Variants in CDC14B observed in about 807,000 individuals in gnomAD.
The protein encoded by CDC14B is cell division cycle 14B.
In CDC14B, 22 loss-of-function variants were observed where a neutral mutation model predicts 64.2. The observed-to-expected ratio is 0.34, with a 90% confidence interval of 0.24 to 0.49. The LOEUF is 0.49. Among genes scored for constraint, CDC14B ranks in the 20% least tolerant of loss-of-function variants. CDC14B has a pLI of 0.99. For missense variants in CDC14B, 498 were observed against 629.9 expected (o/e 0.79, Z 2.24); for synonymous variants, 191 against 215.8 (o/e 0.89, Z 1.01).
chr9:96,574,703 A>AAAAAAAAAAAAAAAAAAAAAAC (rs1844695656), intron 1 of CDC14B, among the ~76,000 whole-genome samples: 1 of 150,156 alleles, frequency 6.7e-6, no homozygotes, highest in African/African-American at 2.5e-5. Flanking sequence ...CTCACAAAAA[A>AAAAAAAAAAAAAAAAAAAAAAC]AAAAAAAAAA....
rs115532576 is a variant in CDC14B at position 96,501,941 on chromosome 9, A to G, written c.*1812T>C. On this transcript the variant is annotated 3_prime_UTR_variant, in exon 14 of 14. Transcript: ENST00000375241. ...ACCTGGATTATTATTAATGGAGGGG[A>G]TGGCCTTAAAAGGGGTAAGGGGAAG... is the stretch of plus-strand genomic sequence containing the variant. 4.1e-3 allele frequency: 619 copies of G among 152,368 alleles called. 5 individuals carry two copies. Among genetic ancestry groups the G allele is most frequent in the African/African-American group, 0.014 (584 of 41,566 alleles). The allele number at this position is 152,368 out of a possible 1,614,324, so 9.4% of individuals were successfully genotyped here. A position where few individuals can be genotyped will look rare whatever the true frequency, so the allele number is the denominator to read the frequency against.
intron 4 of CDC14B, among the ~76,000 whole-genome samples, chr9:96,558,683 A>C (rs1303221337): frequency 3.3e-5 from 5 of 152,226 alleles, no homozygotes; most frequent in Non-Finnish European, 5.9e-5. Context: ...TTTGAAAAGC[A>C]CTTAAAATTT....
At chr9:96,579,499 C>T (rs1207435274) in intron 1 of CDC14B, among the ~76,000 whole-genome samples, 4 of 151,302 alleles carry the variant, frequency 2.6e-5, no homozygotes, top group East Asian at 2.0e-4. Context: ...GGCAGGAGAA[C>T]GGCCTGAACC....
chr9:96,549,080 A>G (rs1419080136), intron 5 of CDC14B, among the ~76,000 whole-genome samples: 1 of 152,212 alleles, frequency 6.6e-6, no homozygotes, highest in Non-Finnish European at 1.5e-5. Flanking sequence ...ACACTATGTG[A>G]AGAAGCACTA....
chr9:96,616,159 C>T (rs1235782278), intron 1 of CDC14B, among the ~76,000 whole-genome samples: 4 of 152,022 alleles, frequency 2.6e-5, no homozygotes, highest in South Asian at 2.1e-4. Flanking sequence ...AACCCCATCT[C>T]TACTAAAATT....
chr9:96,528,150 A>C (rs1232202127), intron 9 of CDC14B, among the ~76,000 whole-genome samples: 1 of 152,234 alleles, frequency 6.6e-6, no homozygotes, highest in African/African-American at 2.4e-5. Flanking sequence ...GTTGTATGAT[A>C]TAGCACATTT....
chr9:96,616,303 C>T (rs1164182559), intron 1 of CDC14B, among the ~76,000 whole-genome samples: 2 of 151,006 alleles, frequency 1.3e-5, no homozygotes, highest in Non-Finnish European at 3.0e-5. Context: ...TCAACCCGGG[C>T]AACAGAGCAA....
At chr9:96,612,291 C>T (rs755803911) in intron 1 of CDC14B, among the ~76,000 whole-genome samples, 1 of 152,200 alleles carries the variant, frequency 6.6e-6, no homozygotes, top group Admixed American at 6.5e-5. Flanking sequence ...TGCAAGTACA[C>T]GGGAATGTTT....
chr9:96,572,845 G>C lies in CDC14B; in HGVS notation c.161-7362C>G, dbSNP rs542601728. Among the ~76,000 whole-genome samples the C allele has an allele frequency of 2.0e-5, 3 of 152,264 alleles. No individual in the cohort carries two copies. In the East Asian group the frequency reaches 5.8e-4, roughly 29 times the overall value. The stretch of plus-strand genomic sequence containing the variant: ...CACACTTTATGCCTTAACTTTGGAA[G>C]CATCCTTATAAAATAAAAAGCAAGA... On this transcript the variant is annotated intron_variant, in intron 1 of 13. Transcript: ENST00000375241.
rs145595970 is a variant in CDC14B, at chr9:96,580,552, G to T, written c.161-15069C>A. ...GGCTAGATTGCTACTTTTATACAAA[G>T]AAGGTGGACTGTAAATTGATGGGGG... On this transcript the variant is annotated intron_variant, in intron 1 of 13. Coordinates refer to ENST00000375241, the MANE Select transcript of CDC14B (RefSeq NM_033331.4). Among the ~76,000 whole-genome samples the T allele has an allele frequency of 2.5e-3, 379 of 152,228 alleles. 2 individuals are homozygous for T. Among genetic ancestry groups the T allele is most frequent in the African/African-American group, 8.6e-3 (359 of 41,546 alleles).
intron 12 of CDC14B, among the ~76,000 whole-genome samples, chr9:96,519,943 T>G (rs1351792837): frequency 6.6e-6 from 1 of 152,230 alleles, no homozygotes; most frequent in Admixed American, 6.5e-5. Flanking sequence ...GAAATTGATT[T>G]TGTATTTTTC....
intron 1 of CDC14B, among the ~76,000 whole-genome samples, chr9:96,616,304 A>C (rs560927955): frequency 9.2e-4 from 139 of 151,548 alleles, no homozygotes; most frequent in African/African-American, 3.1e-3. Flanking sequence ...CAACCCGGGC[A>C]ACAGAGCAAG....
Position 96,523,418 on chromosome 9 carries a change from T to C in CDC14B, c.1088A>G (p.Lys363Arg). The C allele has an allele frequency of 6.2e-7, 1 of 1,613,594 alleles. No homozygotes were observed. The highest frequency in any genetic ancestry group is 8.5e-7 in the Non-Finnish European group (1 of 1,179,762). Residue 363 changes from lysine (K) to arginine (R), a missense_variant and splice_region_variant, in exon 11 of 14, where the codon AAG (lysine) becomes AGG (arginine). Transcript: ENST00000375241. ...CCCTTCCAGCCAGAGGTTGGTTTGCTTCCTAGAGCATTTAAATAACATCAA... is the reference window on the plus strand; with the variant it reads ...CCCTTCCAGCCAGAGGTTGGTTTGCCTCCTAGAGCATTTAAATAACATCAA... ...IGPQQQFLVMKQTNLWLEGDY... is the reference protein window; with the variant it reads ...IGPQQQFLVMRQTNLWLEGDY...
chr9:96,601,794 GAAAAA>G (rs35472518), intron 1 of CDC14B, among the ~76,000 whole-genome samples: 1 of 68,228 alleles, frequency 1.5e-5, no homozygotes, highest in Non-Finnish European at 2.9e-5. Context: ...ACGCTGTCTC[GAAAAA>G]AAAAAAAAAA....
chr9:96,605,269 A>AT (rs1335531632), intron 1 of CDC14B, among the ~76,000 whole-genome samples: 1 of 152,090 alleles, frequency 6.6e-6, no homozygotes, highest in East Asian at 1.9e-4. Context: ...ACAATTTCCA[A>AT]TTTCCAATTG....
intron 1 of CDC14B, among the ~76,000 whole-genome samples, chr9:96,613,588 G>A (rs1217333663): frequency 6.6e-6 from 1 of 152,208 alleles, no homozygotes; most frequent in African/African-American, 2.4e-5. Context: ...AATATCAGAA[G>A]TGAAGATGTT....
chr9:96,511,044 A>G (rs1834841659), intron 12 of CDC14B, among the ~76,000 whole-genome samples: 3 of 152,218 alleles, frequency 2.0e-5, no homozygotes, highest in Non-Finnish European at 2.9e-5. Context: ...ATTCAAACAT[A>G]AAGGTGAGAA....
chr9:96,561,811 CAGAG>C (rs948846031), intron 4 of CDC14B, among the ~76,000 whole-genome samples: 2 of 151,712 alleles, frequency 1.3e-5, no homozygotes, highest in Non-Finnish European at 2.9e-5. Flanking sequence ...TTTCAAGTCT[CAGAG>C]AGAATAACTA....
At chr9:96,557,027 C>A (rs2132155711) in intron 4 of CDC14B, among the ~76,000 whole-genome samples, 1 of 152,354 alleles carries the variant, frequency 6.6e-6, no homozygotes, top group South Asian at 2.1e-4. Context: ...CTTAACGGAT[C>A]TGCAGTCAAG....
Sources: gnomAD v4.1 joint callset for allele counts (sites outside exome capture counted in the v4.1 genomes callset) on GRCh38, gnomAD v4.1.1 for gene constraint, MANE v1.5 for transcripts, NCBI Gene and HGNC (gene_info 2026-07-23, HGNC 2026-07-21) for gene names.